Variants in PCDHGA3 observed in about 807,000 individuals in gnomAD.
PCDHGA3 encodes protocadherin gamma subfamily A, 3.
Under a neutral mutation model 58.5 loss-of-function variants are expected in PCDHGA3, and 40 were observed. That is an observed-to-expected ratio of 0.68 (90% CI 0.53 to 0.89). PCDHGA3 has a LOEUF of 0.89. PCDHGA3 is among the 40% of genes least tolerant of loss of function. The pLI is 0.00. For synonymous variants in PCDHGA3, 530 were observed against 525.7 expected (o/e 1.01, Z -0.11); for missense variants, 1,223 against 1,195.9 (o/e 1.02, Z -0.33).
chr5:141,370,731 C>T (rs757565497), intron 1 of PCDHGA3: 6 of 1,613,798 alleles, frequency 3.7e-6, no homozygotes, highest in Non-Finnish European at 5.1e-6. Context: ...TGCTGAAAAG[C>T]CTTTAAACTT....
chr5:141,500,883 T>G (rs1250275850), intron 2 of PCDHGA3, among the ~76,000 whole-genome samples: 2 of 97,532 alleles, frequency 2.1e-5, no homozygotes, highest in African/African-American at 1.2e-4. Context: ...TACAATTTTT[T>G]TTTTTTGAGA....
At chr5:141,383,426 G>A (rs72790024) in intron 1 of PCDHGA3, 89,880 of 1,613,866 alleles carry the variant, frequency 0.056, 3,017 homozygotes, top group African/African-American at 0.15. Context: ...AGCCCCAATC[G>A]CCACTTCTCC....
At chr5:141,395,494 T>G in intron 1 of PCDHGA3, 3 of 484,122 alleles carry the variant, frequency 6.2e-6, no homozygotes, top group Middle Eastern at 5.6e-4. Context: ...TTATCACTCA[T>G]TCACTTAAGA....
chr5:141,414,378 C>T lies in PCDHGA3; in HGVS notation c.2424+67921C>T, dbSNP rs958748519. ...ATCTACCATTTAAATTAGAAAAGTC[C>T]ATTGACAGTTATTACAGATTGGTGA... On this transcript the variant is annotated intron_variant, in intron 1 of 3. Coordinates refer to ENST00000253812, the MANE Select transcript of PCDHGA3 (RefSeq NM_018916.4). 3.1e-6 allele frequency: 5 copies of T among 1,613,736 alleles called. No individual in the cohort carries two copies. In the African/African-American group the frequency reaches 5.3e-5, roughly 17 times the overall value.
rs186028114 is a variant in PCDHGA3, at chr5:141,387,416, T to C, written c.2424+40959T>C. ...ATGTTTGAAGATTGGGGAAAGCTTA[T>C]GTCAATAAATGTTTATGTACTTAAT... On this transcript the variant is annotated intron_variant, in intron 1 of 3. Coordinates refer to ENST00000253812, the MANE Select transcript of PCDHGA3 (RefSeq NM_018916.4). 6.8e-4 allele frequency among the ~76,000 whole-genome samples: 103 copies of C among 152,364 alleles called. 1 individual carries two copies. The highest frequency in any genetic ancestry group is 3.4e-3 in the Middle Eastern group (1 of 294).
Position 141,490,810 on chromosome 5 carries a change from T to C in PCDHGA3, c.2425-3997T>C, listed in dbSNP as rs2099704652. On this transcript the variant is annotated intron_variant, in intron 1 of 3. Transcript: ENST00000253812. This position sits in a 1 kb window ranked among gnomAD's most constrained non-coding sequence, Gnocchi z 5.4. ...GATCTTTGCCCAGCGTACCTTTGAC[T>C]ATGAATTGCTGCAGATGCTGCAGAT... 1 of 1,613,936 alleles carries C rather than the reference T, an allele frequency of 6.2e-7. No individual in the cohort carries two copies. Among genetic ancestry groups the C allele is most frequent in the Non-Finnish European group, 8.5e-7 (1 of 1,179,884 alleles).
intron 1 of PCDHGA3, chr5:141,410,537 A>G (rs772317770): frequency 1.1e-5 from 17 of 1,613,760 alleles, no homozygotes; most frequent in African/African-American, 1.3e-5. Flanking sequence ...CAATGAAGAC[A>G]TGGTTTGCAG....
At position 141,493,396 on chromosome 5, in the gene PCDHGA3, G is replaced by A. The variant is rs562217310; in HGVS notation, c.2425-1411G>A. 1.3e-5 allele frequency among the ~76,000 whole-genome samples: 2 copies of A among 152,274 alleles called. No homozygotes were observed. Among genetic ancestry groups the A allele is most frequent in the East Asian group, 3.9e-4 (2 of 5,178 alleles). The stretch of plus-strand genomic sequence containing the variant: ...TTTAAAAGCTTGAGGACAGGAGAGG[G>A]GAGTTGCCTCTGCTGGGATTTTGCT... On this transcript the variant is annotated intron_variant, in intron 1 of 3. Transcript: ENST00000253812. This position sits in a 1 kb window ranked among gnomAD's most constrained non-coding sequence, Gnocchi z 4.3.
At chr5:141,347,244 C>T (rs1757939197) in intron 1 of PCDHGA3, among the ~76,000 whole-genome samples, 1 of 151,416 alleles carries the variant, frequency 6.6e-6, no homozygotes, top group Admixed American at 6.6e-5. Flanking sequence ...GCCTTGACCT[C>T]GCAGACTCAA....
Position 141,441,798 on chromosome 5 carries a change from CGGGT to C in PCDHGA3, c.2425-53007_2425-53004del, listed in dbSNP as rs1242635625. 6.4e-4 allele frequency: 248 copies of C among 387,326 alleles called. 2 individuals are homozygous for C. The highest frequency in any genetic ancestry group is 4.8e-3 in the African/African-American group (220 of 46,120). 24.0% of individuals were successfully genotyped at this position (387,326 alleles called of 1,614,324 possible). A position where few individuals can be genotyped will look rare whatever the true frequency, so the allele number is the denominator to read the frequency against. ...GGACGACCTGAATGACAACGCACCG[CGGGT>C]GCTGTACCCCAGCTCTGGAGCGCAA... On this transcript the variant is annotated intron_variant, in intron 1 of 3. Transcript: ENST00000253812.
rs765050792 is a variant in PCDHGA3, at chr5:141,355,544, A to C, written c.2424+9087A>C. ...GAGATTCTTCTAGAAGATACAGTGA[A>C]GATTTTGCGGGTAGAGGTGGAAATA... On this transcript the variant is annotated intron_variant, in intron 1 of 3. Coordinates refer to ENST00000253812, the MANE Select transcript of PCDHGA3 (RefSeq NM_018916.4). 6 of 1,614,058 alleles carry C rather than the reference A, an allele frequency of 3.7e-6. No individual in the cohort carries two copies. In the Admixed American group the frequency reaches 1.0e-4, roughly 27 times the overall value.
chr5:141,383,786 C>T, intron 1 of PCDHGA3: 1 of 1,613,928 alleles, frequency 6.2e-7, no homozygotes, highest in South Asian at 1.1e-5. Context: ...CATCTGAACT[C>T]GCTTACAGGA....
In PCDHGA3 at chr5:141,432,700, G is replaced by C. The variant is rs1320099367; in HGVS notation, c.2425-62107G>C. 4 of 1,613,980 alleles carry C rather than the reference G, an allele frequency of 2.5e-6. No individual in the cohort carries two copies. In the Admixed American group the frequency reaches 6.7e-5, roughly 27 times the overall value. ...AGCAGAGCCTCGTAGTGGCCGTCCA[G>C]GACCACGGCCAGCCCCCTCTCTCCG... On this transcript the variant is annotated intron_variant, in intron 1 of 3. Coordinates refer to ENST00000253812, the MANE Select transcript of PCDHGA3 (RefSeq NM_018916.4). The surrounding 1 kb of genome is among the most constrained non-coding windows in gnomAD (Gnocchi z 6.0).
At chr5:141,415,895 G>A in intron 1 of PCDHGA3, 1 of 898,210 alleles carries the variant, frequency 1.1e-6, no homozygotes, top group Non-Finnish European at 1.5e-6. Flanking sequence ...CAATTCCTAA[G>A]ACAGACTTCC....
chr5:141,489,563 T>C lies in PCDHGA3; in HGVS notation c.2425-5244T>C, dbSNP rs2099689031. ...ACCAGCTGCCTGCTGCCAGTGCAGG[T>C]GGTGACTGAACACCCCCTGGAGCTA... On this transcript the variant is annotated intron_variant, in intron 1 of 3. Coordinates refer to ENST00000253812, the MANE Select transcript of PCDHGA3 (RefSeq NM_018916.4). The surrounding 1 kb of genome is among the most constrained non-coding windows in gnomAD (Gnocchi z 4.5). 13 of 1,614,006 alleles carry C rather than the reference T, an allele frequency of 8.1e-6. No homozygotes were observed. The highest frequency in any genetic ancestry group is 1.1e-5 in the Non-Finnish European group (13 of 1,179,976).
rs777988497 is a variant in PCDHGA3, at chr5:141,356,894, C to A, written c.2424+10437C>A. The A allele has an allele frequency of 1.9e-6, 3 of 1,614,214 alleles. No homozygotes were observed. In the South Asian group the frequency reaches 3.3e-5, roughly 18 times the overall value. On this transcript the variant is annotated intron_variant, in intron 1 of 3. Transcript: ENST00000253812. Reference sequence around the variant, plus strand: ...GACAATGTCCCTGAGATCCTGTACCCCACCTTCCCTACTGATGGCTCCACT... The same window carrying A: ...GACAATGTCCCTGAGATCCTGTACCACACCTTCCCTACTGATGGCTCCACT...
chr5:141,351,502 C>A (rs754605719), intron 1 of PCDHGA3: 8 of 1,614,010 alleles, frequency 5.0e-6, no homozygotes, highest in Non-Finnish European at 6.8e-6. Context: ...CAGCAGACTA[C>A]AACGTCACAA....
chr5:141,499,721 G>GTC (rs1434016871), intron 2 of PCDHGA3, among the ~76,000 whole-genome samples: 69 of 135,416 alleles, frequency 5.1e-4, no homozygotes, highest in African/African-American at 1.9e-3. Flanking sequence ...TGGAGACAGA[G>GTC]TCTCACTCTC....
At chr5:141,413,115 A>C in intron 1 of PCDHGA3, 1 of 1,507,478 alleles carries the variant, frequency 6.6e-7, no homozygotes, top group Non-Finnish European at 8.9e-7. Context: ...AGACAAAGGA[A>C]CCGGTTGAAA....
Sources: gnomAD v4.1 joint callset for allele counts (sites outside exome capture counted in the v4.1 genomes callset) on GRCh38, gnomAD v4.1.1 for gene constraint, Gnocchi (gnomAD v3.1) non-coding constraint, MANE v1.5 for transcripts, NCBI Gene and HGNC (gene_info 2026-07-23, HGNC 2026-07-21) for gene names.